SF3B1: variants seen among roughly 807,000 people sequenced by gnomAD.
SF3B1 encodes pre-mRNA processing 10.
SF3B1 carries 12 observed loss-of-function variants against 153.8 expected under a neutral mutation model. The ratio of observed to expected loss-of-function variants is 0.08; its 90% CI spans 0.05 to 0.13. SF3B1 has a LOEUF of 0.13. SF3B1 is among the 10% of genes least tolerant of loss of function. SF3B1 has a pLI of 1.00. For synonymous variants in SF3B1, 498 were observed against 525.2 expected, an observed-to-expected ratio of 0.95 and a Z score of 0.71; for missense variants, 513 against 1,606.1, an observed-to-expected ratio of 0.32 and a Z score of 11.63.
rs756923837 is a variant in SF3B1, at chr2:197,398,812, G to A, written c.3014-231C>T. 9.9e-5 allele frequency: 52 copies of A among 526,896 alleles called. 1 individual carries two copies. Among genetic ancestry groups the A allele is most frequent in the Non-Finnish European group, 1.5e-4 (42 of 287,158 alleles). 32.6% of individuals were successfully genotyped at this position (526,896 alleles called of 1,614,324 possible). A position where few individuals can be genotyped will look rare whatever the true frequency, so the allele number is the denominator to read the frequency against. ...TCAGTGAAGTGATTTAAAGGATGATGGATACTCAATAACAAAAAAGTTTTG... is the reference window on the plus strand; with the variant it reads ...TCAGTGAAGTGATTTAAAGGATGATAGATACTCAATAACAAAAAAGTTTTG... On this transcript the variant is annotated intron_variant, in intron 20 of 24. Transcript: ENST00000335508.
intron 9 of SF3B1, among the ~76,000 whole-genome samples, chr2:197,407,331 A>G (rs1049327458): frequency 6.6e-6 from 1 of 152,134 alleles, no homozygotes. Context: ...AAGGCCAGGC[A>G]CGGTAACTCA....
At chr2:197,411,978 T>C (rs1314384134) in intron 6 of SF3B1, among the ~76,000 whole-genome samples, 1 of 151,644 alleles carries the variant, frequency 6.6e-6, no homozygotes, top group Non-Finnish European at 1.5e-5. Flanking sequence ...GGTGTGGTGG[T>C]GCACACCTGT....
chr2:197,401,951 T>C lies in SF3B1; in HGVS notation c.2223+34A>G. 3 of 1,601,788 alleles carry C rather than the reference T, an allele frequency of 1.9e-6. No individual in the cohort carries two copies. Among genetic ancestry groups the C allele is most frequent in the Non-Finnish European group, 2.5e-6 (3 of 1,176,680 alleles). On this transcript the variant is annotated intron_variant, in intron 15 of 24. Transcript: ENST00000335508. The surrounding 1 kb of genome is among the most constrained non-coding windows in gnomAD (Gnocchi z 4.2). ...TAGATTTATGTCGCCTTAACTTTAA[T>C]GAAGATAAATCAAAAGGTAATTGGT...
At chr2:197,419,993 T>C (rs2085213699) in intron 4 of SF3B1, 1 of 226,904 alleles carries the variant, frequency 4.4e-6, no homozygotes, top group South Asian at 1.8e-4. Flanking sequence ...TAGGTGCCTT[T>C]ACTAAGCTAT....
At chr2:197,405,988 T>C (rs2084986969) in intron 9 of SF3B1, among the ~76,000 whole-genome samples, 1 of 152,112 alleles carries the variant, frequency 6.6e-6, no homozygotes, top group South Asian at 2.1e-4. Context: ...ACCAAAATGT[T>C]TGCCAAAGCC....
chr2:197,403,051 G>C lies in SF3B1; in HGVS notation c.1720-16C>G, dbSNP rs77741206. On this transcript the variant is annotated splice_polypyrimidine_tract_variant and intron_variant, in intron 12 of 24. Coordinates refer to ENST00000335508, the MANE Select transcript of SF3B1 (RefSeq NM_012433.4). ...CCACGAGGATCTGAAAAAGAGAAAA[G>C]AGAAGAAGCTACACTTTCACATCAA... The C allele has an allele frequency of 2.9e-5, 26 of 900,648 alleles. No homozygotes were observed. Among genetic ancestry groups the C allele is most frequent in the Non-Finnish European group, 4.5e-5 (26 of 581,438 alleles). 55.8% of individuals were successfully genotyped at this position (900,648 alleles called of 1,614,324 possible).
rs111887031 is a variant in SF3B1, at chr2:197,405,242, A to C, written c.1437+33T>G. 47 of 1,597,372 alleles carry C rather than the reference A, an allele frequency of 2.9e-5. No individual in the cohort carries two copies. In the African/African-American group the frequency reaches 5.0e-4, roughly 17 times the overall value. On this transcript the variant is annotated intron_variant, in intron 10 of 24. Transcript: ENST00000335508. ...GTTATGATTTATAATTCTGGAACAC[A>C]ATTAATAGTTTATTTCTGCTAGTAT...
chr2:197,406,027 C>T (rs1559267476), intron 9 of SF3B1, among the ~76,000 whole-genome samples: 1 of 150,962 alleles, frequency 6.6e-6, no homozygotes, highest in Non-Finnish European at 1.5e-5. Flanking sequence ...CTGATCAAAC[C>T]TTTTGCAAAA....
chr2:197,432,813 C>T (rs1253066580), intron 1 of SF3B1, among the ~76,000 whole-genome samples: 2 of 152,024 alleles, frequency 1.3e-5, no homozygotes, highest in African/African-American at 4.8e-5. Context: ...TTGCTGTGAG[C>T]CGAGATTGCA....
intron 1 of SF3B1, among the ~76,000 whole-genome samples, chr2:197,425,829 A>T (rs1027058889): frequency 1.3e-5 from 2 of 151,954 alleles, no homozygotes; most frequent in African/African-American, 4.8e-5. Context: ...GCAAAACCCT[A>T]TCTCTACAAA....
chr2:197,410,102 G>T, intron 6 of SF3B1, 95 bp from the exon 7 acceptor site: 1 of 778,234 alleles, frequency 1.3e-6, no homozygotes, highest in Non-Finnish European at 2.1e-6. Flanking sequence ...AAATGTTTTA[G>T]TTCTATGCAC....
chr2:197,419,359 T>C (rs1011524804), intron 4 of SF3B1: 2 of 255,026 alleles, frequency 7.8e-6, no homozygotes, highest in Non-Finnish European at 1.5e-5. Context: ...CTTCAAAATA[T>C]CTTACAGAAG....
intron 4 of SF3B1, 27 bp from the exon 5 acceptor site, chr2:197,418,615 A>G (rs1042670783): frequency 1.2e-6 from 2 of 1,600,736 alleles, no homozygotes; most frequent in South Asian, 1.1e-5. Context: ...CAACAGGAAA[A>G]AGAGTACAAT....
At chr2:197,419,654 G>A in intron 4 of SF3B1, 1 of 223,326 alleles carries the variant, frequency 4.5e-6, no homozygotes, top group East Asian at 6.5e-5. Context: ...CTGTAGGAAA[G>A]AAATTAAGGA....
At chr2:197,428,389 C>A (rs893699089) in intron 1 of SF3B1, among the ~76,000 whole-genome samples, 3 of 152,106 alleles carry the variant, frequency 2.0e-5, no homozygotes, top group African/African-American at 7.2e-5. Context: ...CCAAATTTTT[C>A]TCTCCCCTAT....
intron 5 of SF3B1, among the ~76,000 whole-genome samples, chr2:197,417,332 A>T (rs1341292610): frequency 6.6e-6 from 1 of 152,184 alleles, no homozygotes; most frequent in Non-Finnish European, 1.5e-5. Context: ...AAATTATGTA[A>T]ATATGCATAG....
chr2:197,409,121 C>T (rs76756202), intron 7 of SF3B1, among the ~76,000 whole-genome samples: 41 of 152,000 alleles, frequency 2.7e-4, no homozygotes, highest in Non-Finnish European at 4.7e-4. Flanking sequence ...AGCCAGGGGC[C>T]GGAAGCGGTG....
At chr2:197,431,923 G>T (rs1187175162) in intron 1 of SF3B1, among the ~76,000 whole-genome samples, 2 of 152,030 alleles carry the variant, frequency 1.3e-5, no homozygotes, top group Admixed American at 6.6e-5. Context: ...AGGAGTTCGA[G>T]ATCAGCCTGG....
At chr2:197,410,085 A>C (rs2105996445) in intron 6 of SF3B1, 78 bp from the exon 7 acceptor site, 1 of 1,028,968 alleles carries the variant, frequency 9.7e-7, no homozygotes, top group East Asian at 2.5e-5. Context: ...AAAAAACTTT[A>C]AACGAAAAAT....
Sources: allele counts gnomAD v4.1 joint callset (sites outside exome capture counted in the v4.1 genomes callset), GRCh38; gene constraint gnomAD v4.1.1; non-coding constraint Gnocchi (gnomAD v3.1); transcripts MANE v1.5; gene names NCBI Gene and HGNC (gene_info 2026-07-23, HGNC 2026-07-21).